The following SUGCT variants were observed in gnomAD, a reference collection of about 807,000 sequenced individuals.
The protein encoded by SUGCT is succinyl-CoA:glutarate CoA-transferase.
A neutral mutation model predicts 55.0 loss-of-function variants in SUGCT; 41 were observed. The observed-to-expected ratio is 0.74, with a 90% CI of 0.58 to 0.97. The LOEUF is 0.97. Ranked by LOEUF, SUGCT falls within the 50% of genes least tolerant of loss-of-function variation. SUGCT has a pLI of 0.00. For missense variants in SUGCT, 568 were observed against 547.8 expected (o/e 1.04, Z -0.37); for synonymous variants, 187 against 200.4 (o/e 0.93, Z 0.56).
At chr7:40,494,529 T>C (rs981697644) in intron 11 of SUGCT, among the ~76,000 whole-genome samples, 1 of 152,180 alleles carries the variant, frequency 6.6e-6, no homozygotes, top group Non-Finnish European at 1.5e-5. Context: ...TATTTTATTG[T>C]ATACCAAATA....
At chr7:40,244,105 G>A (rs1432954615) in intron 7 of SUGCT, among the ~76,000 whole-genome samples, 1 of 152,164 alleles carries the variant, frequency 6.6e-6, no homozygotes, top group Non-Finnish European at 1.5e-5. Context: ...CCTGGGAGGT[G>A]GAGGTTGCTG....
At chr7:40,865,228 A>G (rs146083973), downstream of SUGCT, among the ~76,000 whole-genome samples, 118 of 152,132 alleles carry the variant, frequency 7.8e-4, 1 homozygote, top group African/African-American at 2.8e-3. Context: ...ACACAGAGTT[A>G]TAGATCCATG....
At chr7:40,147,773 AACCAGAG>A (rs937099256) in intron 1 of SUGCT, among the ~76,000 whole-genome samples, 1 of 152,190 alleles carries the variant, frequency 6.6e-6, no homozygotes, top group African/African-American at 2.4e-5. Context: ...CATGAGAGAG[AACCAGAG>A]ACCACCCCCA....
intron 9 of SUGCT, among the ~76,000 whole-genome samples, chr7:40,377,610 T>C (rs560123607): frequency 3.3e-5 from 5 of 152,116 alleles, no homozygotes; most frequent in Non-Finnish European, 7.3e-5. Flanking sequence ...ATTTTTAAAA[T>C]GAGATTGGAG....
At chr7:40,231,125 A>T (rs1424585338) in intron 6 of SUGCT, among the ~76,000 whole-genome samples, 1 of 152,170 alleles carries the variant, frequency 6.6e-6, no homozygotes, top group Non-Finnish European at 1.5e-5. Flanking sequence ...GGGAATGCCA[A>T]CAGTTGAACC....
At chr7:40,932,862 C>T in the SUGCT span, among the ~76,000 whole-genome samples, 1 of 151,706 alleles carries the variant, frequency 6.6e-6, no homozygotes, top group East Asian at 1.9e-4. Context: ...ATACAGCACA[C>T]TGATGGGTTT....
At chr7:41,018,243 C>A in the SUGCT span, among the ~76,000 whole-genome samples, 1 of 152,020 alleles carries the variant, frequency 6.6e-6, no homozygotes, top group Non-Finnish European at 1.5e-5. Flanking sequence ...TCAAATGAGT[C>A]CAGTGCAGGG....
At chr7:40,996,936 A>C in the SUGCT span, among the ~76,000 whole-genome samples, 5 of 152,300 alleles carry the variant, frequency 3.3e-5, no homozygotes, top group East Asian at 9.7e-4. Flanking sequence ...ACTAATCCCA[A>C]CTGTCAATGG....
At chr7:40,915,012 A>T in the SUGCT span, among the ~76,000 whole-genome samples, 1 of 152,204 alleles carries the variant, frequency 6.6e-6, no homozygotes. Context: ...GTAATCATAA[A>T]TTAGTGCAAA....
chr7:41,025,691 T>G, the SUGCT span, among the ~76,000 whole-genome samples: 1 of 152,112 alleles, frequency 6.6e-6, no homozygotes. Context: ...AAGAATGAGT[T>G]GTGTTAAATA....
At chr7:40,220,875 T>C (rs1312223080) in intron 6 of SUGCT, among the ~76,000 whole-genome samples, 3 of 152,222 alleles carry the variant, frequency 2.0e-5, no homozygotes, top group African/African-American at 7.2e-5. Flanking sequence ...AAATTTATCT[T>C]ACTATTAGCT....
intron 10 of SUGCT, among the ~76,000 whole-genome samples, chr7:40,454,327 A>G (rs1789353976): frequency 6.6e-6 from 1 of 152,230 alleles, no homozygotes; most frequent in South Asian, 2.1e-4. Context: ...ATTTCAGCAA[A>G]CCATAAATGG....
At chr7:41,028,989 T>C in the SUGCT span, among the ~76,000 whole-genome samples, 10 of 152,210 alleles carry the variant, frequency 6.6e-5, no homozygotes, top group Admixed American at 2.6e-4. Flanking sequence ...GGGAACAAGA[T>C]GGCACCAAAA....
intron 6 of SUGCT, among the ~76,000 whole-genome samples, chr7:40,218,514 G>A (rs779411105): frequency 4.6e-5 from 7 of 152,076 alleles, no homozygotes; most frequent in Non-Finnish European, 7.4e-5. Context: ...AGAACTTTTC[G>A]GTTTAGCTAA....
chr7:40,187,742 C>T (rs988748054), intron 3 of SUGCT, among the ~76,000 whole-genome samples: 7 of 151,978 alleles, frequency 4.6e-5, no homozygotes, highest in East Asian at 1.9e-4. Flanking sequence ...GGAACTAGCC[C>T]GGCCAATATT....
intron 13 of SUGCT, among the ~76,000 whole-genome samples, chr7:40,800,590 C>T (rs1255525429): frequency 1.3e-5 from 2 of 152,032 alleles, no homozygotes; most frequent in African/African-American, 2.4e-5. Flanking sequence ...CCGCGCCTGG[C>T]CCTCATGGCC....
chr7:40,515,608 T>C, intron 12 of SUGCT, among the ~76,000 whole-genome samples: 1 of 152,236 alleles, frequency 6.6e-6, no homozygotes, highest in Non-Finnish European at 1.5e-5. Flanking sequence ...CTTAGAACAA[T>C]GTTTTCAGTG....
the SUGCT span, among the ~76,000 whole-genome samples, chr7:40,887,756 AAGAC>A: frequency 6.6e-6 from 1 of 152,192 alleles, no homozygotes; most frequent in Non-Finnish European, 1.5e-5. Context: ...AGAGAGGAAA[AAGAC>A]AGGGCTCTGG....
chr7:40,848,732 T>A (rs1402515505), intron 13 of SUGCT, among the ~76,000 whole-genome samples: 1 of 152,128 alleles, frequency 6.6e-6, no homozygotes, highest in African/African-American at 2.4e-5. Context: ...ATGCCTTGAG[T>A]TTCTGGGACG....
Sources: allele counts gnomAD v4.1 joint callset (sites outside exome capture counted in the v4.1 genomes callset), GRCh38; gene constraint gnomAD v4.1.1; transcripts MANE v1.5; gene names NCBI Gene and HGNC (gene_info 2026-07-23, HGNC 2026-07-21).